The following SRGAP2 variants were observed in gnomAD, a reference collection of about 807,000 sequenced individuals.
The protein encoded by SRGAP2 is SLIT-ROBO Rho GTPase-activating protein 2.
SRGAP2 carries 15 observed loss-of-function variants against 57.2 expected under a neutral mutation model. The ratio of observed to expected loss-of-function variants is 0.26; its 90% CI spans 0.18 to 0.40. The LOEUF is 0.40. Ranked by LOEUF, SRGAP2 falls within the 10% of genes least tolerant of loss-of-function variation. The pLI, the probability that SRGAP2 is intolerant of heterozygous loss-of-function variation, is 1.00. For synonymous variants in SRGAP2, 249 were observed against 248.0 expected (o/e 1.00, Z -0.04); for missense variants, 520 against 669.6 (o/e 0.78, Z 2.47).
At chr1:206,384,748 G>A (rs71277009) in intron 5 of SRGAP2, among the ~76,000 whole-genome samples, 37,383 of 146,434 alleles carry the variant, frequency 0.26, 4,399 homozygotes, top group South Asian at 0.33. Context: ...TGGTGGTGGT[G>A]GTTGTTCCCC....
At chr1:206,435,772 C>T (rs1429623979) in intron 14 of SRGAP2, among the ~76,000 whole-genome samples, 1 of 152,178 alleles carries the variant, frequency 6.6e-6, no homozygotes, top group Non-Finnish European at 1.5e-5. Context: ...CCAACCTTTA[C>T]CTTGTTGTGA....
intron 2 of SRGAP2, among the ~76,000 whole-genome samples, chr1:206,223,063 C>T (rs1292877375): frequency 2.2e-4 from 34 of 151,834 alleles, no homozygotes; most frequent in African/African-American, 6.0e-4. Flanking sequence ...CGTGAGCCAC[C>T]GTGCCCGGCC....
intron 4 of SRGAP2, among the ~76,000 whole-genome samples, chr1:206,357,264 T>A (rs1676507577): frequency 6.7e-6 from 1 of 148,828 alleles, no homozygotes; most frequent in Non-Finnish European, 1.5e-5. Context: ...AAAGAAAAAA[T>A]TTTAAAAAGT....
chr1:206,441,091 C>T (rs2480403), intron 17 of SRGAP2, among the ~76,000 whole-genome samples: 44,021 of 151,918 alleles, frequency 0.29, 7,351 homozygotes, highest in East Asian at 0.65. Context: ...GAGAGAAATC[C>T]TAAATTGTTG....
chr1:206,448,649 C>G (rs140335152), intron 18 of SRGAP2, among the ~76,000 whole-genome samples: 1,882 of 152,200 alleles, frequency 0.012, 21 homozygotes, highest in South Asian at 0.026. Context: ...TTTTAACAAG[C>G]CTTCCATGGC....
At position 206,307,913 on chromosome 1, in the gene SRGAP2, G is replaced by A. The variant is rs1169274733; in HGVS notation, c.260+4440G>A. ...GAAAGGGGCTCCCACAGTGCAGGGG[G>A]GGGTGCTGAAGGGCTCCTCGAATTC... On this transcript the variant is annotated intron_variant, in intron 3 of 22. Coordinates refer to ENST00000573034, the MANE Select transcript of SRGAP2 (RefSeq NM_015326.5). Among the ~76,000 whole-genome samples, 622 of 152,326 alleles carry A rather than the reference G, an allele frequency of 4.1e-3. 1 individual carries two copies. Among genetic ancestry groups the A allele is most frequent in the Non-Finnish European group, 7.9e-3 (540 of 68,034 alleles).
intron 2 of SRGAP2, among the ~76,000 whole-genome samples, chr1:206,255,862 C>T (rs1419018376): frequency 3.3e-5 from 5 of 151,622 alleles, no homozygotes; most frequent in Non-Finnish European, 7.4e-5. Context: ...GAACTGGACT[C>T]ATAGGTGAGT....
intron 10 of SRGAP2, among the ~76,000 whole-genome samples, chr1:206,413,726 G>A (rs562793265): frequency 7.9e-5 from 12 of 152,238 alleles, no homozygotes; most frequent in African/African-American, 2.9e-4. Context: ...GGATGCAAAG[G>A]ATAATGAATG....
chr1:206,266,578 G>A (rs1421816285), intron 2 of SRGAP2, among the ~76,000 whole-genome samples: 4 of 152,040 alleles, frequency 2.6e-5, no homozygotes, highest in Non-Finnish European at 2.9e-5. Flanking sequence ...ATGATGAGAT[G>A]CCTGGACATT....
intron 3 of SRGAP2, among the ~76,000 whole-genome samples, chr1:206,333,591 A>G (rs1290544501): frequency 6.6e-6 from 1 of 152,146 alleles, no homozygotes; most frequent in Non-Finnish European, 1.5e-5. Flanking sequence ...TACAGGCACA[A>G]TCATTGTGCA....
intron 2 of SRGAP2, among the ~76,000 whole-genome samples, chr1:206,263,588 C>G (rs1189118008): frequency 6.6e-5 from 10 of 151,304 alleles, no homozygotes; most frequent in African/African-American, 2.4e-4. Context: ...TGAGGTTAAG[C>G]CACTGAAATT....
intron 21 of SRGAP2, among the ~76,000 whole-genome samples, chr1:206,456,995 T>C (rs575225319): frequency 6.6e-6 from 1 of 152,252 alleles, no homozygotes; most frequent in Non-Finnish European, 1.5e-5. Context: ...TGAGGTGCCC[T>C]TATGCTGCAT....
At chr1:206,418,839 G>T (rs1273938993) in intron 11 of SRGAP2, among the ~76,000 whole-genome samples, 1 of 150,312 alleles carries the variant, frequency 6.7e-6, no homozygotes, top group South Asian at 2.1e-4. Flanking sequence ...TATCTTCTCT[G>T]TTCTCTCCCG....
intron 2 of SRGAP2, among the ~76,000 whole-genome samples, chr1:206,226,987 T>TA (rs1441861495): frequency 2.6e-5 from 4 of 152,002 alleles, no homozygotes; most frequent in African/African-American, 9.7e-5. Context: ...AGATTTGGCC[T>TA]AAGCATGAGT....
rs1665579776 is a variant in SRGAP2 at position 206,203,844 on chromosome 1, T to G, written c.-543+194T>G. 3.3e-6 allele frequency: 5 copies of G among 1,507,458 alleles called. No homozygotes were observed. In the East Asian group the frequency reaches 1.2e-4, roughly 37 times the overall value. 93.4% of individuals were successfully genotyped at this position (1,507,458 alleles called of 1,614,324 possible). ...AATCTCCCAGTACAGCCCATAATAC[T>G]TCTCAGGACTGCGAGTCTCTCCGCC... On this transcript the variant is annotated intron_variant, in intron 1 of 22. Coordinates refer to ENST00000573034, the MANE Select transcript of SRGAP2 (RefSeq NM_015326.5).
At chr1:206,230,901 CA>C (rs1553306838) in intron 2 of SRGAP2, among the ~76,000 whole-genome samples, 1 of 145,196 alleles carries the variant, frequency 6.9e-6, no homozygotes, top group East Asian at 1.9e-4. Flanking sequence ...GCTGGGATTA[CA>C]GGCGTGAGCC....
intron 4 of SRGAP2, among the ~76,000 whole-genome samples, chr1:206,347,840 T>G (rs1453516020): frequency 6.6e-6 from 1 of 150,676 alleles, no homozygotes; most frequent in Non-Finnish European, 1.5e-5. Context: ...CATTGGATTG[T>G]TTTTCCTACC....
chr1:206,304,399 C>T (rs1672067031), intron 3 of SRGAP2, among the ~76,000 whole-genome samples: 1 of 133,380 alleles, frequency 7.5e-6, no homozygotes, highest in African/African-American at 3.1e-5. Flanking sequence ...TCACAGTCCA[C>T]AGCAGGGGTG....
At chr1:206,448,480 C>T (rs1334499365) in intron 18 of SRGAP2, among the ~76,000 whole-genome samples, 1 of 152,124 alleles carries the variant, frequency 6.6e-6, no homozygotes, top group African/African-American at 2.4e-5. Context: ...TAGAAGAGAC[C>T]TCAGAAAGCA....
Sources: gnomAD v4.1 joint callset for allele counts (sites outside exome capture counted in the v4.1 genomes callset) on GRCh38, gnomAD v4.1.1 for gene constraint, MANE v1.5 for transcripts, NCBI Gene and HGNC (gene_info 2026-07-23, HGNC 2026-07-21) for gene names.